Variants in KCNH8 observed in about 807,000 individuals in gnomAD.
The protein encoded by KCNH8 is potassium voltage-gated channel subfamily H member 8, also known as voltage-gated delayed rectifier potassium channel KCNH8.
Under a neutral mutation model 103.6 loss-of-function variants are expected in KCNH8, and 70 were observed. That is an observed-to-expected ratio of 0.68 (90% CI 0.56 to 0.82). The LOEUF is 0.82. Among genes scored for constraint, KCNH8 ranks in the 40% least tolerant of loss-of-function variants. KCNH8 has a pLI of 0.00. For synonymous variants in KCNH8, 498 were observed against 489.4 expected, an observed-to-expected ratio of 1.02 and a Z score of -0.23; for missense variants, 1,217 against 1,329.9, an observed-to-expected ratio of 0.92 and a Z score of 1.32.
At chr3:19,215,288 G>A (rs2063807521) in intron 1 of KCNH8, among the ~76,000 whole-genome samples, 2 of 152,178 alleles carry the variant, frequency 1.3e-5, no homozygotes, top group Non-Finnish European at 2.9e-5. Flanking sequence ...AATAATCTAT[G>A]AGTGGGGGCC....
intron 7 of KCNH8, 53 bp downstream of exon 7, chr3:19,395,364 T>C: frequency 7.9e-7 from 1 of 1,270,088 alleles, no homozygotes; most frequent in South Asian, 1.3e-5. Flanking sequence ...AAAAAAAGAG[T>C]ATCAAGAACT....
At chr3:19,443,205 T>C (rs1253342766) in intron 8 of KCNH8, among the ~76,000 whole-genome samples, 1 of 151,650 alleles carries the variant, frequency 6.6e-6, no homozygotes, top group African/African-American at 2.4e-5. Flanking sequence ...AAATCGGCAG[T>C]AGCAATATTA....
At chr3:19,525,201 TG>T (rs2069043510) in intron 15 of KCNH8, among the ~76,000 whole-genome samples, 2 of 151,904 alleles carry the variant, frequency 1.3e-5, no homozygotes, top group Admixed American at 1.3e-4. Context: ...ATATTATTTT[TG>T]TCAATTTAAA....
chr3:19,163,772 G>T (rs2063256625), intron 1 of KCNH8, among the ~76,000 whole-genome samples: 2 of 152,042 alleles, frequency 1.3e-5, no homozygotes, highest in Admixed American at 1.3e-4. Context: ...TTCTTCCTCA[G>T]TCTACTCAAT....
At chr3:19,403,595 TACTG>T (rs772268087) in intron 7 of KCNH8, among the ~76,000 whole-genome samples, 4 of 151,424 alleles carry the variant, frequency 2.6e-5, no homozygotes, top group Non-Finnish European at 4.4e-5. Flanking sequence ...AAGAATTAAA[TACTG>T]ACTAAGTCTG....
At chr3:19,227,153 GTTTCCTTCTAATCT>G (rs2063941632) in intron 1 of KCNH8, among the ~76,000 whole-genome samples, 1 of 152,180 alleles carries the variant, frequency 6.6e-6, no homozygotes, top group African/African-American at 2.4e-5. Flanking sequence ...CTCAGTCTGG[GTTTCCTTCTAATCT>G]TGAAAACCAG....
Position 19,533,412 on chromosome 3 carries a change from G to C in KCNH8, c.2637G>C (p.Gln879His), listed in dbSNP as rs775662074. The change falls in exon 16 of 16, where the codon CAG (glutamine) becomes CAC (histidine). Residue 879 changes from glutamine (Q) to histidine (H), a missense_variant. By Grantham distance (24) the Gln-to-His change is conservative. Coordinates refer to ENST00000328405, the MANE Select transcript of KCNH8 (RefSeq NM_144633.3). ...CCACATAGGTAACAACATTGACTCA[G>C]GAAGTTTCTCAGTTGGGTAAAGACA... ...KLNSEVTTLT[Q>H]EVSQLGKDMR... 8 of 1,613,756 alleles carry C rather than the reference G, an allele frequency of 5.0e-6. No homozygotes were observed. The highest frequency in any genetic ancestry group is 1.7e-5 in the Admixed American group (1 of 60,018).
At chr3:19,503,488 T>C (rs905818757) in intron 11 of KCNH8, among the ~76,000 whole-genome samples, 6 of 152,160 alleles carry the variant, frequency 3.9e-5, no homozygotes, top group African/African-American at 7.2e-5. Flanking sequence ...CGTATGTTTA[T>C]TGCAGCATTA....
At chr3:19,159,198 A>C (rs532468584) in intron 1 of KCNH8, among the ~76,000 whole-genome samples, 1 of 151,856 alleles carries the variant, frequency 6.6e-6, no homozygotes, top group Non-Finnish European at 1.5e-5. Flanking sequence ...AGATTTTATA[A>C]TATTGAACTA....
chr3:19,408,481 G>GCT (rs2066728184), intron 7 of KCNH8, among the ~76,000 whole-genome samples: 1 of 152,006 alleles, frequency 6.6e-6, no homozygotes, highest in East Asian at 1.9e-4. Flanking sequence ...ACCACCAAAG[G>GCT]ACTGCACTAG....
At chr3:19,366,017 T>C (rs890884149) in intron 5 of KCNH8, among the ~76,000 whole-genome samples, 12 of 152,098 alleles carry the variant, frequency 7.9e-5, no homozygotes, top group Non-Finnish European at 1.5e-4. Context: ...TGTTAATATA[T>C]ACAGCTTATA....
intron 1 of KCNH8, among the ~76,000 whole-genome samples, chr3:19,200,036 C>T (rs1355564846): frequency 1.3e-5 from 2 of 151,602 alleles, no homozygotes; most frequent in African/African-American, 4.8e-5. Context: ...ATATCTTGTT[C>T]AATGAATTCC....
chr3:19,350,255 G>A (rs1182499720), intron 5 of KCNH8, among the ~76,000 whole-genome samples: 1 of 152,054 alleles, frequency 6.6e-6, no homozygotes, highest in Non-Finnish European at 1.5e-5. Context: ...GGACAAAATA[G>A]TTGCCTGTAA....
At chr3:19,171,748 AC>A (rs555280439) in intron 1 of KCNH8, among the ~76,000 whole-genome samples, 90 of 152,330 alleles carry the variant, frequency 5.9e-4, no homozygotes, top group Non-Finnish European at 1.0e-3. Flanking sequence ...TAAAATGAAA[AC>A]TATCTCATTA....
chr3:19,462,215 A>G (rs974256998), intron 11 of KCNH8, among the ~76,000 whole-genome samples: 3 of 152,224 alleles, frequency 2.0e-5, no homozygotes, highest in African/African-American at 7.2e-5. Context: ...AGGAATTGCC[A>G]CACTGTCTTC....
At chr3:19,419,451 C>T (rs887722128) in intron 7 of KCNH8, among the ~76,000 whole-genome samples, 4 of 151,730 alleles carry the variant, frequency 2.6e-5, no homozygotes, top group East Asian at 3.9e-4. Flanking sequence ...CCGCCCGCCT[C>T]GGCCTCCCAA....
intron 1 of KCNH8, among the ~76,000 whole-genome samples, chr3:19,170,617 C>CACACATATATATAT (rs2063332810): frequency 7.3e-6 from 1 of 136,854 alleles, no homozygotes; most frequent in African/African-American, 3.2e-5. Flanking sequence ...TATGTATACA[C>CACACATATATATAT]ACACATATAT....
chr3:19,294,666 C>T (rs913875419), intron 3 of KCNH8, among the ~76,000 whole-genome samples: 11 of 152,114 alleles, frequency 7.2e-5, no homozygotes, highest in Non-Finnish European at 1.6e-4. Flanking sequence ...TACACATATT[C>T]GCTAATGTCT....
chr3:19,199,980 C>T lies in KCNH8; in HGVS notation c.76+51185C>T, dbSNP rs530138032. ...TGCTCGGCTATAAATTCCTATGTGA[C>T]GTGAATATCTTGGTACAAGTTTTTA... On this transcript the variant is annotated intron_variant, in intron 1 of 15. Transcript: ENST00000328405. 2.8e-4 allele frequency among the ~76,000 whole-genome samples: 43 copies of T among 152,038 alleles called. 1 individual carries two copies. Among genetic ancestry groups the T allele is most frequent in the South Asian group, 1.7e-3 (8 of 4,826 alleles).
Sources: allele counts gnomAD v4.1 joint callset (sites outside exome capture counted in the v4.1 genomes callset), GRCh38; gene constraint gnomAD v4.1.1; transcripts MANE v1.5; gene names NCBI Gene and HGNC (gene_info 2026-07-23, HGNC 2026-07-21).